CDYL: variants seen among roughly 807,000 people sequenced by gnomAD.
The protein encoded by CDYL is chromodomain Y-like protein.
A neutral mutation model predicts 47.3 loss-of-function variants in CDYL; 8 were observed. That is an observed-to-expected ratio of 0.17 (90% CI 0.10 to 0.31). The LOEUF is 0.31. Ranked by LOEUF, CDYL falls within the 10% of genes least tolerant of loss-of-function variation. CDYL has a pLI of 1.00. For synonymous variants in CDYL, 266 were observed against 265.0 expected (o/e 1.00, Z -0.04); for missense variants, 471 against 701.4 (o/e 0.67, Z 3.71).
upstream of CDYL, among the ~76,000 whole-genome samples, chr6:4,772,290 G>T (rs1758348725): frequency 6.6e-6 from 1 of 152,192 alleles, no homozygotes. Context: ...GCTGGCTACT[G>T]GCTTCTATAT....
intron 3 of CDYL, among the ~76,000 whole-genome samples, chr6:4,770,899 T>C (rs1758328315): frequency 1.3e-5 from 2 of 152,214 alleles, no homozygotes; most frequent in Admixed American, 6.5e-5. Flanking sequence ...CTTCTTGCCC[T>C]AGCTCAAAAT....
intron 1 of CDYL, among the ~76,000 whole-genome samples, chr6:4,812,785 A>T (rs569965692): frequency 6.6e-6 from 1 of 151,982 alleles, no homozygotes; most frequent in East Asian, 1.9e-4. Context: ...GAGACTAGGT[A>T]TGTGAAGTGT....
intron 5 of CDYL, 140 bp from the exon 6 acceptor site, chr6:4,952,126 C>A (rs562897474): frequency 3.5e-6 from 3 of 868,204 alleles, no homozygotes; most frequent in East Asian, 2.7e-5. Context: ...CTGTTCCCAG[C>A]GGCCCCTAGA....
chr6:4,715,865 C>T (rs1232787959), exon 2 of CDYL: 1 of 1,613,870 alleles, frequency 6.2e-7, no homozygotes, highest in Non-Finnish European at 8.5e-7. Flanking sequence ...AAAAGTTATT[C>T]CTGAAGAGAA....
chr6:4,948,397 C>T (rs1272159012), intron 5 of CDYL, among the ~76,000 whole-genome samples: 1 of 152,192 alleles, frequency 6.6e-6, no homozygotes, highest in Non-Finnish European at 1.5e-5. Flanking sequence ...TTGAAGTCAT[C>T]ACAGGACGAA....
At chr6:4,785,348 A>G (rs1758728408) in intron 1 of CDYL, among the ~76,000 whole-genome samples, 1 of 152,202 alleles carries the variant, frequency 6.6e-6, no homozygotes, top group Non-Finnish European at 1.5e-5. Flanking sequence ...GCTTCAATAT[A>G]TCTAGAGAAT....
At chr6:4,924,482 A>G (rs1366934416) in intron 2 of CDYL, among the ~76,000 whole-genome samples, 1 of 151,970 alleles carries the variant, frequency 6.6e-6, no homozygotes, top group African/African-American at 2.4e-5. Context: ...TGCCTTTTAC[A>G]CCTCCTCTGT....
intron 1 of CDYL, among the ~76,000 whole-genome samples, chr6:4,874,193 T>C (rs1317489186): frequency 1.3e-5 from 2 of 152,196 alleles, no homozygotes; most frequent in Admixed American, 6.5e-5. Context: ...CATTTGTATT[T>C]TTTTTTCATG....
intron 2 of CDYL, among the ~76,000 whole-genome samples, chr6:4,905,349 G>A (rs184707391): frequency 1.3e-5 from 2 of 152,226 alleles, no homozygotes; most frequent in African/African-American, 4.8e-5. Context: ...CTGAGCCTTC[G>A]GACACGATGT....
rs1418108759 is a variant in CDYL, at chr6:4,954,288, T to C, written c.*232T>C. On this transcript the variant is annotated 3_prime_UTR_variant, in exon 7 of 7. Transcript: ENST00000397588. Reference sequence around the variant, plus strand: ...TCCAAACGTCATTATTTTATACTTATATACACGCAGGTGTAAAAGTATAAA... The same window carrying C: ...TCCAAACGTCATTATTTTATACTTACATACACGCAGGTGTAAAAGTATAAA... The C allele has an allele frequency of 1.3e-5, 5 of 396,822 alleles. No individual in the cohort carries two copies. Among genetic ancestry groups the C allele is most frequent in the South Asian group, 1.1e-4 (2 of 17,970 alleles). 24.6% of individuals were successfully genotyped at this position (396,822 alleles called of 1,614,324 possible). A position where few individuals can be genotyped will look rare whatever the true frequency, so the allele number is the denominator to read the frequency against.
At chr6:4,817,261 G>C (rs1448773194) in intron 1 of CDYL, among the ~76,000 whole-genome samples, 1 of 151,642 alleles carries the variant, frequency 6.6e-6, no homozygotes, top group African/African-American at 2.4e-5. Context: ...GCATTGAACT[G>C]TGTGCTCTTT....
intron 1 of CDYL, among the ~76,000 whole-genome samples, chr6:4,878,595 TTTG>T (rs1581231008): frequency 6.6e-6 from 1 of 152,082 alleles, no homozygotes; most frequent in Non-Finnish European, 1.5e-5. Context: ...TTCATAATAT[TTTG>T]TTATTTTAAT....
chr6:4,738,689 T>G (rs1438734671), intron 3 of CDYL, among the ~76,000 whole-genome samples: 1 of 152,228 alleles, frequency 6.6e-6, no homozygotes, highest in African/African-American at 2.4e-5. Context: ...GAAACACTTG[T>G]ACATGTGTGC....
At chr6:4,795,147 CT>C (rs11331931) in intron 1 of CDYL, among the ~76,000 whole-genome samples, 3,325 of 147,472 alleles carry the variant, frequency 0.023, 128 homozygotes, top group African/African-American at 0.079. Context: ...GTTAGATGCT[CT>C]TTTTTAAAAA....
At chr6:4,916,159 G>A (rs186873306) in intron 2 of CDYL, among the ~76,000 whole-genome samples, 2 of 152,288 alleles carry the variant, frequency 1.3e-5, no homozygotes, top group East Asian at 3.9e-4. Flanking sequence ...ATGTTCTCAG[G>A]ATTTCCTGAG....
At chr6:4,836,687 G>A (rs1019511834) in intron 1 of CDYL, among the ~76,000 whole-genome samples, 20 of 152,194 alleles carry the variant, frequency 1.3e-4, no homozygotes, top group African/African-American at 4.6e-4. Context: ...AAGGAAAAGA[G>A]GCAGAAAAGA....
chr6:4,847,943 A>T (rs73364567), intron 1 of CDYL, among the ~76,000 whole-genome samples: 3,269 of 152,278 alleles, frequency 0.021, 72 homozygotes, highest in East Asian at 0.084. Context: ...GTTGGTTAGA[A>T]AAAAGATGTG....
intron 2 of CDYL, among the ~76,000 whole-genome samples, chr6:4,914,195 T>C (rs1003110476): frequency 7.4e-6 from 1 of 135,098 alleles, no homozygotes; most frequent in African/African-American, 2.8e-5. Context: ...GCTCAAGGAG[T>C]GAAAGAGTTC....
intron 2 of CDYL, among the ~76,000 whole-genome samples, 182 bp downstream of exon 2, chr6:4,892,561 A>G (rs1004579460): frequency 1.3e-5 from 2 of 152,170 alleles, no homozygotes; most frequent in Non-Finnish European, 2.9e-5. Flanking sequence ...TTAATTCGGC[A>G]ACTAGTTTTT....
Sources: allele counts gnomAD v4.1 joint callset (sites outside exome capture counted in the v4.1 genomes callset), GRCh38; gene constraint gnomAD v4.1.1; transcripts MANE v1.5; gene names NCBI Gene and HGNC (gene_info 2026-07-23, HGNC 2026-07-21).